Variants in FGGY observed in about 807,000 individuals in gnomAD.
The protein encoded by FGGY is FGGY carbohydrate kinase domain containing, also known as FGGY carbohydrate kinase domain-containing protein.
In FGGY, 72 loss-of-function variants were observed where a neutral mutation model predicts 71.3. That is an observed-to-expected ratio of 1.01 (90% CI 0.84 to 1.23). The LOEUF is 1.23. Among genes scored for constraint, FGGY ranks in the 50% most tolerant of loss-of-function variants. The pLI, the probability that FGGY is intolerant of heterozygous loss-of-function variation, is 0.00. For missense variants in FGGY, 668 were observed against 682.3 expected (o/e 0.98, Z 0.23); for synonymous variants, 251 against 250.3 (o/e 1.00, Z -0.02).
upstream of FGGY, chr1:59,296,830 C>T (rs1490802658): frequency 6.6e-6 from 1 of 152,540 alleles, no homozygotes; most frequent in Admixed American, 6.5e-5. Flanking sequence ...GACCGCCCTG[C>T]TCAGGCGCCG....
At chr1:59,617,693 C>T (rs1350777421) in intron 9 of FGGY, among the ~76,000 whole-genome samples, 4 of 152,070 alleles carry the variant, frequency 2.6e-5, no homozygotes, top group Admixed American at 6.6e-5. Flanking sequence ...CCTTGGCCAT[C>T]ACCCTTTCCA....
intron 14 of FGGY, among the ~76,000 whole-genome samples, chr1:59,677,240 C>G (rs553641404): frequency 6.6e-6 from 1 of 152,204 alleles, no homozygotes. Flanking sequence ...TATTTTCAAC[C>G]TGAACTTCAA....
intron 7 of FGGY, among the ~76,000 whole-genome samples, chr1:59,528,075 G>T (rs539298798): frequency 5.3e-5 from 8 of 152,278 alleles, no homozygotes; most frequent in African/African-American, 1.9e-4. Flanking sequence ...TGAGCCTGAT[G>T]AACTTCACCA....
At chr1:59,421,453 A>T (rs2065404221) in intron 5 of FGGY, among the ~76,000 whole-genome samples, 2 of 151,506 alleles carry the variant, frequency 1.3e-5, no homozygotes, top group South Asian at 4.2e-4. Context: ...GGTATAGTTA[A>T]AACTCCTCCC....
intron 6 of FGGY, among the ~76,000 whole-genome samples, chr1:59,472,411 G>A (rs1009214461): frequency 3.3e-5 from 5 of 152,192 alleles, no homozygotes; most frequent in Non-Finnish European, 7.4e-5. Flanking sequence ...CCTGACGAGC[G>A]CCGCCCCCTG....
chr1:59,635,773 T>C (rs2096952889), intron 10 of FGGY, among the ~76,000 whole-genome samples: 1 of 152,166 alleles, frequency 6.6e-6, no homozygotes, highest in African/African-American at 2.4e-5. Context: ...GGCTGTACCT[T>C]GTATGGAGGC....
At chr1:59,598,678 A>G (rs1030908201) in intron 8 of FGGY, among the ~76,000 whole-genome samples, 2 of 152,226 alleles carry the variant, frequency 1.3e-5, no homozygotes, top group African/African-American at 4.8e-5. Flanking sequence ...GGCAAACTCT[A>G]TGAGAACACT....
chr1:59,488,980 C>G (rs926970348), intron 6 of FGGY, among the ~76,000 whole-genome samples: 1 of 152,000 alleles, frequency 6.6e-6, no homozygotes, highest in African/African-American at 2.4e-5. Context: ...ATCTTATTAA[C>G]TCTTAGTGAG....
intron 7 of FGGY, among the ~76,000 whole-genome samples, chr1:59,534,850 A>C (rs2095267854): frequency 1.3e-5 from 2 of 152,218 alleles, no homozygotes; most frequent in African/African-American, 2.4e-5. Flanking sequence ...ATGGAAAGGA[A>C]AAACCAGTAC....
At chr1:59,634,110 A>G (rs1310249028) in intron 10 of FGGY, among the ~76,000 whole-genome samples, 1 of 152,164 alleles carries the variant, frequency 6.6e-6, no homozygotes, top group Non-Finnish European at 1.5e-5. Flanking sequence ...TATTGGGTTA[A>G]GAAGTAAGGA....
intron 14 of FGGY, among the ~76,000 whole-genome samples, chr1:59,731,968 G>A (rs2098036865): frequency 6.6e-6 from 1 of 152,164 alleles, no homozygotes; most frequent in Non-Finnish European, 1.5e-5. Context: ...TCTCTCATTA[G>A]CTGTGTCATC....
chr1:59,628,940 T>C (rs1442936779), intron 10 of FGGY, among the ~76,000 whole-genome samples: 1 of 152,118 alleles, frequency 6.6e-6, no homozygotes, highest in Non-Finnish European at 1.5e-5. Context: ...TTGAGAAAAT[T>C]AAATGAATTA....
chr1:59,373,000 A>G (rs1387696152), intron 4 of FGGY, among the ~76,000 whole-genome samples: 1 of 152,170 alleles, frequency 6.6e-6, no homozygotes, highest in Non-Finnish European at 1.5e-5. Flanking sequence ...AAACTGGCAC[A>G]AGACAGGGAT....
intron 15 of FGGY, among the ~76,000 whole-genome samples, chr1:59,758,343 T>C (rs2101871600): frequency 6.6e-6 from 1 of 152,380 alleles, no homozygotes; most frequent in East Asian, 1.9e-4. Flanking sequence ...TTGTATCACT[T>C]GGCATCAAAG....
chr1:59,323,533 G>C lies in FGGY; in HGVS notation c.201+1783G>C, dbSNP rs534550680. 9.2e-5 allele frequency among the ~76,000 whole-genome samples: 14 copies of C among 152,304 alleles called. No homozygotes were observed. The East Asian group carries it at 2.5e-3, about 27-fold the overall frequency. ...TCATTGCTGGTGTGAGGCTTAGGGAGGGAAGCATTTTTATGTTAGAGAGAT... is the reference window on the plus strand; with the variant it reads ...TCATTGCTGGTGTGAGGCTTAGGGACGGAAGCATTTTTATGTTAGAGAGAT... On this transcript the variant is annotated intron_variant, in intron 2 of 15. Coordinates refer to ENST00000303721, the MANE Select transcript of FGGY (RefSeq NM_018291.5).
Position 59,625,987 on chromosome 1 carries a change from G to T in FGGY, c.1012-1G>T. ...ATTGACCCATGTCTCTTATTTTTCA[G>T]ATAGACCACATGGTACAAGGCCATG... is the stretch of plus-strand genomic sequence containing the variant. On this transcript the variant is annotated splice_acceptor_variant, in intron 9 of 15. Transcript: ENST00000303721. LOFTEE classifies it high-confidence loss of function. 3 of 1,598,294 alleles carry T rather than the reference G, an allele frequency of 1.9e-6. No individual in the cohort carries two copies. Among genetic ancestry groups the T allele is most frequent in the Non-Finnish European group, 2.6e-6 (3 of 1,172,494 alleles).
intron 6 of FGGY, among the ~76,000 whole-genome samples, chr1:59,457,689 G>T (rs1375468557): frequency 6.6e-6 from 1 of 152,142 alleles, no homozygotes; most frequent in African/African-American, 2.4e-5. Flanking sequence ...CATACTCAAG[G>T]GGCTGTGTAT....
At chr1:59,499,299 G>GTTTTTTTTTTTGT (rs2094146817) in intron 6 of FGGY, among the ~76,000 whole-genome samples, 1 of 105,804 alleles carries the variant, frequency 9.5e-6, no homozygotes, top group Non-Finnish European at 1.8e-5. Context: ...TACTATGTTT[G>GTTTTTTTTTTTGT]TTTTTTTTTT....
At chr1:59,708,891 G>C (rs970062353) in intron 14 of FGGY, among the ~76,000 whole-genome samples, 3 of 152,172 alleles carry the variant, frequency 2.0e-5, no homozygotes, top group African/African-American at 4.8e-5. Context: ...TTTTGGATTA[G>C]GGATGCTCAA....
Sources: gnomAD v4.1 joint callset for allele counts (sites outside exome capture counted in the v4.1 genomes callset) on GRCh38, gnomAD v4.1.1 for gene constraint, MANE v1.5 for transcripts, NCBI Gene and HGNC (gene_info 2026-07-23, HGNC 2026-07-21) for gene names.